PDE3B: variants seen among roughly 807,000 people sequenced by gnomAD.
The protein encoded by PDE3B is phosphodiesterase 3B, also known as cGMP-inhibited 3',5'-cyclic phosphodiesterase 3B.
In PDE3B, 66 loss-of-function variants were observed where a neutral mutation model predicts 116.8. The ratio of observed to expected loss-of-function variants is 0.56; its 90% confidence interval spans 0.46 to 0.69. The LOEUF is 0.69. PDE3B is among the 30% of genes least tolerant of loss of function. The pLI, the probability that PDE3B is intolerant of heterozygous loss-of-function variation, is 0.00. For synonymous variants in PDE3B, 595 were observed against 533.6 expected, an observed-to-expected ratio of 1.12 and a Z score of -1.59; for missense variants, 1,384 against 1,368.1, an observed-to-expected ratio of 1.01 and a Z score of -0.18.
At chr11:14,798,188 T>A (rs192828887) in intron 4 of PDE3B, among the ~76,000 whole-genome samples, 1 of 152,352 alleles carries the variant, frequency 6.6e-6, no homozygotes, top group African/African-American at 2.4e-5. Flanking sequence ...ATTGAGATAA[T>A]CATGCGGTTT....
chr11:14,722,172 C>T (rs1482723821), intron 1 of PDE3B, among the ~76,000 whole-genome samples: 7 of 104,262 alleles, frequency 6.7e-5, no homozygotes, highest in African/African-American at 1.5e-4. Context: ...AATAGGGGGA[C>T]GGGGGAGGGA....
intron 1 of PDE3B, among the ~76,000 whole-genome samples, chr11:14,660,156 G>A (rs563353210): frequency 1.3e-5 from 2 of 152,178 alleles, no homozygotes; most frequent in Admixed American, 1.3e-4. Context: ...GAAGACAGAG[G>A]ATGTAGAGTT....
intron 5 of PDE3B, among the ~76,000 whole-genome samples, chr11:14,811,902 A>T (rs1859145106): frequency 6.6e-6 from 1 of 152,196 alleles, no homozygotes; most frequent in Admixed American, 6.5e-5. Flanking sequence ...TCTTTGAAGC[A>T]ATTGTGAATG....
At position 14,644,134 on chromosome 11, in the gene PDE3B, C is replaced by T. The variant is rs774326722; in HGVS notation, c.59C>T (p.Ala20Val). The stretch of plus-strand genomic sequence containing the variant: ...CGGTCCCTGCAGCCGCCGGATGGGG[C>T]CGGCTCGCCCCCCGAGAGTCTGAGG... Reference protein sequence around the residue: ...AMRSLQPPDGAGSPPESLRNG... With the variant: ...AMRSLQPPDGVGSPPESLRNG... The change falls in exon 1 of 16, where the codon GCC becomes GTC. Residue 20 changes from alanine to valine, a missense_variant. This residue lies in a region of PDE3B where 956 missense variants were observed against 806.8 expected (regional missense o/e 1.18). Coordinates refer to ENST00000282096, the MANE Select transcript of PDE3B (RefSeq NM_000922.4). 3 of 1,586,928 alleles carry T rather than the reference C, an allele frequency of 1.9e-6. No individual in the cohort carries two copies. The highest frequency in any genetic ancestry group is 2.3e-5 in the East Asian group (1 of 43,508).
chr11:14,823,333 C>T (rs1015681398), intron 7 of PDE3B, among the ~76,000 whole-genome samples: 5 of 152,110 alleles, frequency 3.3e-5, no homozygotes, highest in Non-Finnish European at 4.4e-5. Flanking sequence ...CTACAACCAC[C>T]CCTGCTAGTG....
At position 14,720,882 on chromosome 11, in the gene PDE3B, A is replaced by G. The variant is rs945566230; in HGVS notation, c.979-51055A>G. On this transcript the variant is annotated intron_variant, in intron 1 of 15. Coordinates refer to ENST00000282096, the MANE Select transcript of PDE3B (RefSeq NM_000922.4). ...GGCGTGGGCAAGGACTTCATGTCCAAAACACCAAAAGCAATGGCAACAAAA... is the reference window on the plus strand; with the variant it reads ...GGCGTGGGCAAGGACTTCATGTCCAGAACACCAAAAGCAATGGCAACAAAA... Among the ~76,000 whole-genome samples the G allele has an allele frequency of 1.0e-4, 9 of 90,156 alleles. 2 individuals are homozygous for G. Among genetic ancestry groups the G allele is most frequent in the Non-Finnish European group, 2.0e-4 (9 of 45,716 alleles). 59.1% of individuals were successfully genotyped at this position (90,156 alleles called of 152,430 possible). A position where few individuals can be genotyped will look rare whatever the true frequency, so the allele number is the denominator to read the frequency against.
At chr11:14,673,917 G>A (rs1293334923) in intron 1 of PDE3B, 17 of 1,428,402 alleles carry the variant, frequency 1.2e-5, no homozygotes, top group East Asian at 2.3e-5. Flanking sequence ...TTCATTAACC[G>A]CATACTCCTT....
chr11:14,784,474 TGA>T (rs1858132600), intron 2 of PDE3B, among the ~76,000 whole-genome samples: 1 of 152,164 alleles, frequency 6.6e-6, no homozygotes, highest in South Asian at 2.1e-4. Context: ...CAGTAGACGG[TGA>T]TAAGTCACAT....
At chr11:14,847,436 A>C (rs1465801372) in intron 12 of PDE3B, among the ~76,000 whole-genome samples, 1 of 151,364 alleles carries the variant, frequency 6.6e-6, no homozygotes, top group Non-Finnish European at 1.5e-5. Context: ...AAGAACTAGA[A>C]AAGCAAGAGC....
chr11:14,861,604 G>A (rs552701312), intron 14 of PDE3B, among the ~76,000 whole-genome samples: 36 of 152,250 alleles, frequency 2.4e-4, no homozygotes, highest in African/African-American at 8.7e-4. Flanking sequence ...ATACTCATGA[G>A]TCTACAGGTA....
the PDE3B span, chr11:14,885,954 G>GC: frequency 1.3e-6 from 2 of 1,598,390 alleles, no homozygotes; most frequent in Non-Finnish European, 1.7e-6. Context: ...TTAAATGACA[G>GC]CATGTATGGA....
intron 4 of PDE3B, among the ~76,000 whole-genome samples, chr11:14,802,048 T>C (rs1232469028): frequency 1.3e-5 from 2 of 152,238 alleles, no homozygotes; most frequent in Non-Finnish European, 1.5e-5. Context: ...TTCAAGCCAG[T>C]GGATCTTAGT....
At chr11:14,648,593 T>C (rs2133744026) in intron 1 of PDE3B, among the ~76,000 whole-genome samples, 1 of 152,244 alleles carries the variant, frequency 6.6e-6, no homozygotes, top group African/African-American at 2.4e-5. Context: ...ATTTTGTAAA[T>C]ATAGTATGTA....
chr11:14,756,491 A>G (rs1234277549), intron 1 of PDE3B, among the ~76,000 whole-genome samples: 1 of 152,100 alleles, frequency 6.6e-6, no homozygotes, highest in Non-Finnish European at 1.5e-5. Flanking sequence ...AGGAGGTGAT[A>G]CCCCACCTAC....
chr11:14,666,905 A>G (rs1336708603), intron 1 of PDE3B, among the ~76,000 whole-genome samples: 1 of 152,128 alleles, frequency 6.6e-6, no homozygotes, highest in Non-Finnish European at 1.5e-5. Context: ...AACTAGAAAT[A>G]CCATTTGACC....
chr11:14,681,898 A>G (rs991045984), intron 1 of PDE3B, among the ~76,000 whole-genome samples: 1 of 152,148 alleles, frequency 6.6e-6, no homozygotes, highest in Non-Finnish European at 1.5e-5. Context: ...GAAAATCTAC[A>G]AATAACTTTT....
At chr11:14,822,556 T>G (rs1859554851) in intron 7 of PDE3B, among the ~76,000 whole-genome samples, 1 of 152,108 alleles carries the variant, frequency 6.6e-6, no homozygotes, top group South Asian at 2.1e-4. Flanking sequence ...GGACCCATGC[T>G]TCTCCCATAG....
At chr11:14,895,695 A>G in the PDE3B span, among the ~76,000 whole-genome samples, 1 of 152,204 alleles carries the variant, frequency 6.6e-6, no homozygotes, top group Admixed American at 6.5e-5. Context: ...TGACCACTTT[A>G]AAAAGTCCTC....
intron 11 of PDE3B, among the ~76,000 whole-genome samples, chr11:14,841,952 T>C (rs1413366962): frequency 4.6e-5 from 7 of 150,630 alleles, no homozygotes; most frequent in Non-Finnish European, 7.4e-5. Flanking sequence ...TGGTGCCATA[T>C]GAATTTTTTT....
Sources: allele counts gnomAD v4.1 joint callset (sites outside exome capture counted in the v4.1 genomes callset), GRCh38; gene constraint gnomAD v4.1.1; regional missense constraint gnomAD v4.1.1; transcripts MANE v1.5; gene names NCBI Gene and HGNC (gene_info 2026-07-23, HGNC 2026-07-21).